Variants in DYNC1LI1 observed in about 807,000 individuals in gnomAD.
The protein encoded by DYNC1LI1 is cytoplasmic dynein 1 light intermediate chain 1.
DYNC1LI1 carries 19 observed loss-of-function variants against 63.8 expected under a neutral mutation model. The ratio of observed to expected loss-of-function variants is 0.30; its 90% CI spans 0.21 to 0.44. The LOEUF (loss-of-function observed/expected upper bound fraction) is 0.44, where lower values mean the gene tolerates loss of function less well. Among genes scored for constraint, DYNC1LI1 ranks in the 20% least tolerant of loss-of-function variants. The pLI, the probability that DYNC1LI1 is intolerant of heterozygous loss-of-function variation, is 1.00. For synonymous variants in DYNC1LI1, 225 were observed against 232.3 expected (o/e 0.97, Z 0.28); for missense variants, 565 against 630.2 (o/e 0.90, Z 1.11).
At chr3:32,568,573 A>C (rs974462401) in intron 2 of DYNC1LI1, among the ~76,000 whole-genome samples, 2 of 152,130 alleles carry the variant, frequency 1.3e-5, no homozygotes, top group African/African-American at 4.8e-5. Flanking sequence ...ACCTCTAAGA[A>C]CACTCAGTCC....
chr3:32,537,974 T>TTATATAAATA (rs1559436330), intron 5 of DYNC1LI1, among the ~76,000 whole-genome samples: 1 of 20,538 alleles, frequency 4.9e-5, no homozygotes, highest in African/African-American at 2.8e-4. Flanking sequence ...ATATATATAT[T>TTATATAAATA]TATATATAAT....
intron 2 of DYNC1LI1, among the ~76,000 whole-genome samples, chr3:32,548,567 G>A (rs546801250): frequency 6.6e-6 from 1 of 152,294 alleles, no homozygotes; most frequent in Non-Finnish European, 1.5e-5. Flanking sequence ...GAACACAACA[G>A]TAGTTACCGG....
chr3:32,551,902 C>A (rs891883729), intron 2 of DYNC1LI1, among the ~76,000 whole-genome samples: 2 of 152,160 alleles, frequency 1.3e-5, no homozygotes, highest in African/African-American at 4.8e-5. Context: ...ATATGTAATT[C>A]CCAGAGACTG....
intron 12 of DYNC1LI1, among the ~76,000 whole-genome samples, chr3:32,528,112 CAAAAAA>C (rs60912161): frequency 0.1 from 3,105 of 29,582 alleles, 42 homozygotes; most frequent in South Asian, 0.19. Flanking sequence ...GACTCCATCT[CAAAAAA>C]AAAAAAAAAA....
At chr3:32,562,908 C>T (rs1056489648) in intron 2 of DYNC1LI1, among the ~76,000 whole-genome samples, 2 of 152,156 alleles carry the variant, frequency 1.3e-5, no homozygotes, top group Non-Finnish European at 2.9e-5. Context: ...CTGCCTCGGC[C>T]CTTTTCTCTG....
At chr3:32,567,348 G>A (rs1215850040) in intron 2 of DYNC1LI1, among the ~76,000 whole-genome samples, 8 of 152,004 alleles carry the variant, frequency 5.3e-5, no homozygotes, top group African/African-American at 1.5e-4. Context: ...ACATACACAC[G>A]TTACTACACA....
chr3:32,560,543 C>G (rs888596220), intron 2 of DYNC1LI1, among the ~76,000 whole-genome samples: 16 of 152,022 alleles, frequency 1.1e-4, no homozygotes, highest in African/African-American at 3.9e-4. Flanking sequence ...AGCAGAACAC[C>G]CAACACAAGT....
At chr3:32,561,016 A>AC (rs1698183917) in intron 2 of DYNC1LI1, among the ~76,000 whole-genome samples, 1 of 110,664 alleles carries the variant, frequency 9.0e-6, no homozygotes, top group African/African-American at 3.6e-5. Flanking sequence ...AAAAAAAAAA[A>AC]AAAAAAAAAA....
At chr3:32,536,853 T>G (rs958884931) in intron 6 of DYNC1LI1, among the ~76,000 whole-genome samples, 158 bp downstream of exon 6, 2 of 152,126 alleles carry the variant, frequency 1.3e-5, no homozygotes, top group African/African-American at 4.8e-5. Flanking sequence ...AATATCCAAA[T>G]GTAAATAATT....
At chr3:32,550,064 TTTTAG>T (rs1252286356) in intron 2 of DYNC1LI1, among the ~76,000 whole-genome samples, 27 of 152,216 alleles carry the variant, frequency 1.8e-4, no homozygotes, top group African/African-American at 6.5e-4. Flanking sequence ...TGTGTCTTCC[TTTTAG>T]TTTAACTAAT....
chr3:32,530,737 G>T (rs1697685062), intron 8 of DYNC1LI1: 1 of 485,866 alleles, frequency 2.1e-6, no homozygotes, highest in Non-Finnish European at 3.7e-6. Context: ...TATCTGTGCT[G>T]TTCAATATGG....
At chr3:32,538,877 A>G (rs971601370) in intron 5 of DYNC1LI1, among the ~76,000 whole-genome samples, 3 of 152,206 alleles carry the variant, frequency 2.0e-5, no homozygotes, top group Middle Eastern at 3.4e-3. Flanking sequence ...CCATACCCCT[A>G]TACATTTTAA....
intron 5 of DYNC1LI1, among the ~76,000 whole-genome samples, chr3:32,537,958 TATAATATATATATATTTATATATAA>T (rs1697806805): frequency 3.7e-4 from 1 of 2,726 alleles, no homozygotes; most frequent in Non-Finnish European, 6.5e-4. Context: ...AATTTATATA[TATAATATATATATATTTATATATAA>T]TATATATATA....
At chr3:32,548,442 C>A (rs976934201) in intron 2 of DYNC1LI1, among the ~76,000 whole-genome samples, 5 of 152,122 alleles carry the variant, frequency 3.3e-5, no homozygotes, top group African/African-American at 1.2e-4. Context: ...GTTTCTGGTG[C>A]CCAAAAAGAC....
intron 2 of DYNC1LI1, among the ~76,000 whole-genome samples, chr3:32,568,572 A>C (rs962493402): frequency 6.6e-6 from 1 of 152,144 alleles, no homozygotes. Flanking sequence ...GACCTCTAAG[A>C]ACACTCAGTC....
chr3:32,528,141 A>AAAAAAAAAAAG (rs1697647163), intron 12 of DYNC1LI1, among the ~76,000 whole-genome samples: 1 of 148,252 alleles, frequency 6.7e-6, no homozygotes. Context: ...AAAAAAAAAA[A>AAAAAAAAAAAG]AAAGAAATGA....
In DYNC1LI1 at chr3:32,543,972, T is replaced by C. The variant is rs554414715; in HGVS notation, c.568+904A>G. On this transcript the variant is annotated intron_variant, in intron 4 of 12. Transcript: ENST00000273130. ...TACTCAGGGGGCTGAGATGGGAGGATGGCTTGAGCTGGTGGGGGGGCGGGC... is the reference window on the plus strand; with the variant it reads ...TACTCAGGGGGCTGAGATGGGAGGACGGCTTGAGCTGGTGGGGGGGCGGGC... Among the ~76,000 whole-genome samples, 5 of 146,574 alleles carry C rather than the reference T, an allele frequency of 3.4e-5. No individual in the cohort carries two copies. In the East Asian group the frequency reaches 1.1e-3, roughly 31 times the overall value.
rs11715873 is a variant in DYNC1LI1, at chr3:32,526,598, C to T, written c.*201G>A. 9.6e-6 allele frequency: 4 copies of T among 416,892 alleles called. No individual in the cohort carries two copies. Among genetic ancestry groups the T allele is most frequent in the Non-Finnish European group, 1.7e-5 (4 of 230,116 alleles). The allele number at this position is 416,892 out of a possible 1,614,324, so 25.8% of individuals were successfully genotyped here. A position where few individuals can be genotyped will look rare whatever the true frequency, so the allele number is the denominator to read the frequency against. On this transcript the variant is annotated 3_prime_UTR_variant, in exon 13 of 13. Coordinates refer to ENST00000273130, the MANE Select transcript of DYNC1LI1 (RefSeq NM_016141.4). ...CAAAATGGCAATGCAAACAGCAATCCTACATAATGTAGAATAATTTTTCTT... is the reference window on the plus strand; with the variant it reads ...CAAAATGGCAATGCAAACAGCAATCTTACATAATGTAGAATAATTTTTCTT...
At chr3:32,557,286 T>TG (rs1698127524) in intron 2 of DYNC1LI1, among the ~76,000 whole-genome samples, 1 of 151,974 alleles carries the variant, frequency 6.6e-6, no homozygotes, top group Non-Finnish European at 1.5e-5. Context: ...GAGGCTGAGG[T>TG]GGGTGGATCA....
Sources: gnomAD v4.1 joint callset for allele counts (sites outside exome capture counted in the v4.1 genomes callset) on GRCh38, gnomAD v4.1.1 for gene constraint, MANE v1.5 for transcripts, NCBI Gene and HGNC (gene_info 2026-07-23, HGNC 2026-07-21) for gene names.